The following MCC variants were observed in gnomAD, a reference collection of about 807,000 sequenced individuals.
The protein encoded by MCC is colorectal mutant cancer protein.
A neutral mutation model predicts 116.2 loss-of-function variants in MCC; 90 were observed. That is an observed-to-expected ratio of 0.77 (90% CI 0.65 to 0.92). The LOEUF (loss-of-function observed/expected upper bound fraction) is 0.92. Among genes scored for constraint, MCC ranks in the 40% least tolerant of loss-of-function variants. The probability of loss-of-function intolerance (pLI) is 0.00; values close to 1 mark genes in which losing one functional copy is unlikely to be tolerated. For missense variants in MCC, 1,516 were observed against 1,312.2 expected (o/e 1.16, Z -2.40); for synonymous variants, 578 against 510.5 (o/e 1.13, Z -1.78).
intron 5 of MCC, among the ~76,000 whole-genome samples, chr5:113,135,284 G>C (rs1390948412): frequency 6.7e-6 from 1 of 149,160 alleles, no homozygotes; most frequent in African/African-American, 2.5e-5. Flanking sequence ...GCCGGGCACA[G>C]TGGCTCACAC....
chr5:113,247,620 G>C (rs1187320308), intron 3 of MCC, among the ~76,000 whole-genome samples: 1 of 152,198 alleles, frequency 6.6e-6, no homozygotes, highest in East Asian at 1.9e-4. Flanking sequence ...AGAAGGGCTG[G>C]AGGCAGGGAA....
At chr5:113,193,872 T>C (rs1762259560) in intron 3 of MCC, among the ~76,000 whole-genome samples, 1 of 152,064 alleles carries the variant, frequency 6.6e-6, no homozygotes, top group Non-Finnish European at 1.5e-5. Flanking sequence ...TTGTTTTTTT[T>C]CTAAGGAATG....
At chr5:113,262,112 G>A (rs1482918040) in intron 3 of MCC, among the ~76,000 whole-genome samples, 1 of 151,374 alleles carries the variant, frequency 6.6e-6, no homozygotes, top group East Asian at 1.9e-4. Context: ...TTAAGTACGA[G>A]GTCCATGCAA....
Position 113,245,234 on chromosome 5 carries a change from G to C in MCC, c.628-93812C>G, listed in dbSNP as rs147474752. The stretch of plus-strand genomic sequence containing the variant: ...TTGAACCAGGGAGGCAGAAGTTGCA[G>C]TAAGCCAAGATCGCACCACTGCATT... On this transcript the variant is annotated intron_variant, in intron 3 of 18. Transcript: ENST00000408903. 3.0e-4 allele frequency among the ~76,000 whole-genome samples: 44 copies of C among 148,574 alleles called. 1 individual carries two copies. Among genetic ancestry groups the C allele is most frequent in the Middle Eastern group, 6.9e-3 (2 of 290 alleles).
At chr5:113,063,438 AG>A (rs1180391393) in intron 14 of MCC, among the ~76,000 whole-genome samples, 8 of 152,226 alleles carry the variant, frequency 5.3e-5, no homozygotes, top group Non-Finnish European at 1.0e-4. Flanking sequence ...TTCATGACTG[AG>A]TGCCTGTAAG....
intron 3 of MCC, among the ~76,000 whole-genome samples, chr5:113,279,402 C>T (rs1765949622): frequency 6.6e-6 from 1 of 152,024 alleles, no homozygotes. Flanking sequence ...ACCTTATTAA[C>T]TCTATATAGT....
At chr5:113,442,183 T>C (rs1391678166) in intron 1 of MCC, among the ~76,000 whole-genome samples, 1 of 152,240 alleles carries the variant, frequency 6.6e-6, no homozygotes, top group Non-Finnish European at 1.5e-5. Context: ...GACTTTTTAA[T>C]GATCCCCATT....
At chr5:113,271,409 C>G (rs866752157) in intron 3 of MCC, among the ~76,000 whole-genome samples, 1 of 152,132 alleles carries the variant, frequency 6.6e-6, no homozygotes, top group South Asian at 2.1e-4. Flanking sequence ...AAGAGGCCTA[C>G]TTATAATGAA....
chr5:113,367,176 CA>C (rs1768713144), intron 2 of MCC, among the ~76,000 whole-genome samples: 1 of 151,222 alleles, frequency 6.6e-6, no homozygotes, highest in African/African-American at 2.5e-5. Context: ...ATATGGAAAT[CA>C]ATATTCATTA....
At chr5:113,227,875 A>AGAAT (rs1763803783) in intron 3 of MCC, among the ~76,000 whole-genome samples, 2 of 152,186 alleles carry the variant, frequency 1.3e-5, no homozygotes, top group African/African-American at 4.8e-5. Flanking sequence ...TACAGTAAAG[A>AGAAT]CAATCTGTAA....
chr5:113,063,854 C>G, intron 14 of MCC, 130 bp downstream of exon 14: 3 of 948,796 alleles, frequency 3.2e-6, no homozygotes, highest in East Asian at 2.7e-5. Flanking sequence ...GAGCAGGCTG[C>G]ATGCCAGAAG....
chr5:113,338,874 G>A (rs559158768), intron 3 of MCC, among the ~76,000 whole-genome samples: 1 of 152,266 alleles, frequency 6.6e-6, no homozygotes, highest in Non-Finnish European at 1.5e-5. Flanking sequence ...GACAAACAGT[G>A]CAATAACTAT....
chr5:113,383,263 G>A (rs1361755251), intron 2 of MCC, among the ~76,000 whole-genome samples: 1 of 152,102 alleles, frequency 6.6e-6, no homozygotes, highest in Non-Finnish European at 1.5e-5. Context: ...CTTCAACTAT[G>A]TATGTGTGTA....
At chr5:113,353,018 A>G (rs2150382604) in intron 2 of MCC, among the ~76,000 whole-genome samples, 1 of 152,178 alleles carries the variant, frequency 6.6e-6, no homozygotes. Context: ...TGTTCCCCAC[A>G]GGGTTATGGC....
chr5:113,062,306 G>C (rs1338781935), intron 14 of MCC, among the ~76,000 whole-genome samples: 1 of 152,186 alleles, frequency 6.6e-6, no homozygotes, highest in Non-Finnish European at 1.5e-5. Flanking sequence ...TCAAAATCAA[G>C]GCTAACCTGT....
intron 11 of MCC, among the ~76,000 whole-genome samples, chr5:113,076,577 A>G (rs769832884): frequency 1.3e-5 from 2 of 152,218 alleles, no homozygotes; most frequent in African/African-American, 2.4e-5. Flanking sequence ...ATAAGTGAAG[A>G]ATAAATAAAA....
intron 1 of MCC, among the ~76,000 whole-genome samples, chr5:113,451,009 C>G (rs928006282): frequency 2.0e-5 from 3 of 152,106 alleles, no homozygotes; most frequent in African/African-American, 7.2e-5. Flanking sequence ...CTTTCTGCTT[C>G]TTTTATTCTA....
At chr5:113,456,318 C>T (rs1167701003) in intron 1 of MCC, among the ~76,000 whole-genome samples, 1 of 152,224 alleles carries the variant, frequency 6.6e-6, no homozygotes, top group Non-Finnish European at 1.5e-5. Context: ...TTATATGGGT[C>T]GAGTATCTTT....
At position 113,434,054 on chromosome 5, in the gene MCC, G is replaced by A. The variant is rs1357036160; in HGVS notation, c.171-48842C>T. 1.9e-6 allele frequency: 3 copies of A among 1,614,104 alleles called. No homozygotes were observed. The highest frequency in any genetic ancestry group is 2.2e-5 in the South Asian group (2 of 91,084). On this transcript the variant is annotated intron_variant, in intron 1 of 18. Transcript: ENST00000408903. This position sits in a 1 kb window ranked among gnomAD's most constrained non-coding sequence, Gnocchi z 4.2. ...AGCAGTGGCTGAGGATCTCGTCGATGTGGAGCCGCCGGTTGACGTCGGGCT... is the reference window on the plus strand; with the variant it reads ...AGCAGTGGCTGAGGATCTCGTCGATATGGAGCCGCCGGTTGACGTCGGGCT...
Sources: gnomAD v4.1 joint callset for allele counts (sites outside exome capture counted in the v4.1 genomes callset) on GRCh38, gnomAD v4.1.1 for gene constraint, Gnocchi (gnomAD v3.1) non-coding constraint, MANE v1.5 for transcripts, NCBI Gene and HGNC (gene_info 2026-07-23, HGNC 2026-07-21) for gene names.